Variants in CBLB observed in about 807,000 individuals in gnomAD.
CBLB encodes Cbl proto-oncogene B.
Under a neutral mutation model 104.9 loss-of-function variants are expected in CBLB, and 31 were observed. The ratio of observed to expected loss-of-function variants is 0.30; its 90% CI spans 0.22 to 0.40. The LOEUF (loss-of-function observed/expected upper bound fraction) is 0.40. Among genes scored for constraint, CBLB ranks in the 10% least tolerant of loss-of-function variants. The pLI, the probability that CBLB is intolerant of heterozygous loss-of-function variation, is 1.00. For synonymous variants in CBLB, 440 were observed against 422.6 expected (o/e 1.04, Z -0.51); for missense variants, 1,062 against 1,214.6 (o/e 0.87, Z 1.87).
At chr3:105,688,844 T>A (rs2067321574) in intron 13 of CBLB, among the ~76,000 whole-genome samples, 1 of 152,130 alleles carries the variant, frequency 6.6e-6, no homozygotes, top group African/African-American at 2.4e-5. Flanking sequence ...TGGTATACTA[T>A]CAAGCTTTAA....
intron 6 of CBLB, among the ~76,000 whole-genome samples, chr3:105,745,606 CTATT>C (rs557575704): frequency 5.1e-4 from 77 of 152,162 alleles, no homozygotes; most frequent in Middle Eastern, 3.4e-3. Flanking sequence ...TAAGACTGTT[CTATT>C]TATTTGTTCT....
chr3:105,693,675 T>C, intron 12 of CBLB, 87 bp from the exon 13 acceptor site: 4 of 832,988 alleles, frequency 4.8e-6, no homozygotes, highest in Non-Finnish European at 8.2e-6. Flanking sequence ...CTGAAGACAA[T>C]ATGTAAGTTC....
At chr3:105,823,099 G>T (rs1031453075) in intron 3 of CBLB, among the ~76,000 whole-genome samples, 1 of 152,180 alleles carries the variant, frequency 6.6e-6, no homozygotes, top group South Asian at 2.1e-4. Context: ...AATGACAGAG[G>T]ACAGAAGGTT....
At chr3:105,708,675 G>T (rs1329217883) in intron 10 of CBLB, among the ~76,000 whole-genome samples, 1 of 151,866 alleles carries the variant, frequency 6.6e-6, no homozygotes, top group Non-Finnish European at 1.5e-5. Context: ...AAGAGGCCAT[G>T]CAGTCTTGAA....
chr3:105,794,641 C>T (rs72995702), intron 3 of CBLB, among the ~76,000 whole-genome samples: 2,665 of 152,196 alleles, frequency 0.018, 69 homozygotes, highest in African/African-American at 0.06. Flanking sequence ...TGAAACTATG[C>T]GTACCTTATC....
chr3:105,700,471 G>C (rs1415791787), intron 12 of CBLB, among the ~76,000 whole-genome samples: 2 of 150,176 alleles, frequency 1.3e-5, no homozygotes, highest in Non-Finnish European at 3.0e-5. Context: ...TAAAGCTAAA[G>C]GGGGAAAAAA....
At chr3:105,861,708 T>TACACACACACAC (rs1415949250) in intron 2 of CBLB, among the ~76,000 whole-genome samples, 3 of 142,776 alleles carry the variant, frequency 2.1e-5, no homozygotes, top group African/African-American at 8.0e-5. Flanking sequence ...CACACACACA[T>TACACACACACAC]ACATACACAC....
chr3:105,736,471 T>C (rs1164995522), intron 8 of CBLB, among the ~76,000 whole-genome samples: 2 of 152,220 alleles, frequency 1.3e-5, no homozygotes, highest in Admixed American at 1.3e-4. Context: ...CATGTGAGTA[T>C]GTAGAGCTAC....
chr3:105,819,151 T>C lies in CBLB; in HGVS notation c.419+34263A>G, dbSNP rs184036950. On this transcript the variant is annotated intron_variant, in intron 3 of 18. Coordinates refer to ENST00000394030, the MANE Select transcript of CBLB (RefSeq NM_170662.5). ...GAAAACACTTGAAGAGAAAAGTAAA[T>C]ATGAATATTTAAGTTGGAGCATAAA... Among the ~76,000 whole-genome samples, 304 of 152,260 alleles carry C rather than the reference T, an allele frequency of 2.0e-3. 2 individuals carry two copies. Among genetic ancestry groups the C allele is most frequent in the African/African-American group, 7.1e-3 (295 of 41,558 alleles).
chr3:105,844,460 T>C (rs181529922), intron 3 of CBLB, among the ~76,000 whole-genome samples: 245 of 152,336 alleles, frequency 1.6e-3, no homozygotes, highest in Non-Finnish European at 1.8e-3. Context: ...AATTTGTTCT[T>C]CAATGTTTCC....
chr3:105,662,017 A>T (rs2063834213), intron 18 of CBLB, among the ~76,000 whole-genome samples: 1 of 152,198 alleles, frequency 6.6e-6, no homozygotes, highest in Non-Finnish European at 1.5e-5. Flanking sequence ...TGTTGTGAGT[A>T]TCTGATTCTA....
At chr3:105,705,107 G>C (rs1406262302) in intron 10 of CBLB, among the ~76,000 whole-genome samples, 1 of 152,096 alleles carries the variant, frequency 6.6e-6, no homozygotes, top group Admixed American at 6.5e-5. Flanking sequence ...TATCTATCAT[G>C]CTTTGATATT....
intron 3 of CBLB, among the ~76,000 whole-genome samples, chr3:105,796,399 T>C (rs2082260139): frequency 6.6e-6 from 1 of 152,090 alleles, no homozygotes. Context: ...ATGCAGAAGA[T>C]TGAAACTAGA....
intron 12 of CBLB, among the ~76,000 whole-genome samples, chr3:105,700,525 T>C (rs2068946290): frequency 6.6e-6 from 1 of 151,790 alleles, no homozygotes. Context: ...GTCCTTCCAA[T>C]CAGCATTCTA....
At chr3:105,706,296 A>G (rs1014955285) in intron 10 of CBLB, among the ~76,000 whole-genome samples, 1 of 152,252 alleles carries the variant, frequency 6.6e-6, no homozygotes, top group African/African-American at 2.4e-5. Context: ...ACATAATTTT[A>G]CATTACAATT....
In CBLB at chr3:105,692,610, A is replaced by G. The variant is rs896992482; in HGVS notation, c.2054+884T>C. Among the ~76,000 whole-genome samples the G allele has an allele frequency of 1.2e-4, 19 of 152,126 alleles. 1 individual carries two copies. Among genetic ancestry groups the G allele is most frequent in the Non-Finnish European group, 4.4e-5 (3 of 68,016 alleles). ...GGCAAGTATTAGGAATCACTAAAAA[A>G]TATTTTAGTTGGGTAAAATTCTGTA... On this transcript the variant is annotated intron_variant, in intron 13 of 18. Coordinates refer to ENST00000394030, the MANE Select transcript of CBLB (RefSeq NM_170662.5).
intron 3 of CBLB, among the ~76,000 whole-genome samples, chr3:105,809,341 C>T (rs924926252): frequency 3.3e-5 from 5 of 152,224 alleles, no homozygotes; most frequent in Non-Finnish European, 7.4e-5. Flanking sequence ...ATGACAAGAA[C>T]GGAATTCCAC....
intron 13 of CBLB, among the ~76,000 whole-genome samples, chr3:105,689,863 GAAA>G (rs543500177): frequency 3.5e-4 from 53 of 151,742 alleles, no homozygotes; most frequent in Admixed American, 1.3e-3. Flanking sequence ...AAACCATTTA[GAAA>G]AAAACATTAA....
intron 10 of CBLB, among the ~76,000 whole-genome samples, chr3:105,708,079 A>G (rs2070470742): frequency 6.6e-6 from 1 of 152,044 alleles, no homozygotes; most frequent in African/African-American, 2.4e-5. Context: ...TCTTTAGCCC[A>G]CCAGTTCATA....
Sources: allele counts gnomAD v4.1 joint callset (sites outside exome capture counted in the v4.1 genomes callset), GRCh38; gene constraint gnomAD v4.1.1; transcripts MANE v1.5; gene names NCBI Gene and HGNC (gene_info 2026-07-23, HGNC 2026-07-21).